The following RBM24 variants were observed in gnomAD, a reference collection of about 807,000 sequenced individuals.
The protein encoded by RBM24 is RNA binding motif protein 24, also known as RNA-binding protein 24.
RBM24 carries 5 observed loss-of-function variants against 23.6 expected under a neutral mutation model. That is an observed-to-expected ratio of 0.21 (90% CI 0.11 to 0.45). The LOEUF (loss-of-function observed/expected upper bound fraction) is 0.45, where lower values mean the gene tolerates loss of function less well. Among genes scored for constraint, RBM24 ranks in the 20% least tolerant of loss-of-function variants. RBM24 has a pLI of 0.99. For synonymous variants in RBM24, 151 were observed against 129.5 expected, an observed-to-expected ratio of 1.17 and a Z score of -1.13; for missense variants, 252 against 314.6, an observed-to-expected ratio of 0.80 and a Z score of 1.51.
Position 17,281,873 on chromosome 6 carries a change from C to G in RBM24, c.168+124C>G. The G allele has an allele frequency of 3.6e-6, 5 of 1,379,570 alleles. No individual in the cohort carries two copies. Among genetic ancestry groups the G allele is most frequent in the South Asian group, 2.6e-5 (2 of 76,700 alleles). 85.5% of individuals were successfully genotyped at this position (1,379,570 alleles called of 1,614,324 possible). On this transcript the variant is annotated intron_variant, in intron 1 of 3. Transcript: ENST00000379052. This position sits in a 1 kb window ranked among gnomAD's most constrained non-coding sequence, Gnocchi z 7.1. ...AGCCCCGCGGGTAGAGCGGCGCTGC[C>G]CCTTCGCTCCGGGGTGAACTGAAAC...
chr6:17,282,612 C>A, intron 1 of RBM24, 193 bp from the exon 2 acceptor site: 1 of 199,296 alleles, frequency 5.0e-6, no homozygotes, highest in South Asian at 3.5e-5. Flanking sequence ...CTACCCGCCC[C>A]CCCCCCCCAC....
chr6:17,281,722 G>A lies in RBM24; in HGVS notation c.141G>A (p.Gln47=). 2 of 1,551,794 alleles carry A rather than the reference G, an allele frequency of 1.3e-6. No individual in the cohort carries two copies. The highest frequency in any genetic ancestry group is 1.7e-6 in the Non-Finnish European group (2 of 1,147,280). Residue 47 remains glutamine (Q), a synonymous_variant, in exon 1 of 4, where the codon CAG becomes CAA. Transcript: ENST00000379052. The surrounding 1 kb of genome is among the most constrained non-coding windows in gnomAD (Gnocchi z 7.1). ...AGGCGGTGGTCATCACCGACCGGCA[G>A]ACGGGCAAGTCCCGGGGCTATGGAT... ...IEEAVVITDR[Q]TGKSRGYGFV...
intron 3 of RBM24, among the ~76,000 whole-genome samples, chr6:17,285,361 A>G (rs1316791625): frequency 6.6e-6 from 1 of 151,042 alleles, no homozygotes; most frequent in Non-Finnish European, 1.5e-5. Flanking sequence ...TTGCGTTTTG[A>G]TTTTGGTGGT....
Position 17,281,652 on chromosome 6 carries a change from A to T in RBM24, c.71A>T (p.Asp24Val). The T allele has an allele frequency of 6.5e-7, 1 of 1,549,822 alleles. No individual in the cohort carries two copies. Among genetic ancestry groups the T allele is most frequent in the Non-Finnish European group, 8.7e-7 (1 of 1,146,592 alleles). ...GGGGGGCTGCCCTACCACACCACCGACGCCAGCCTGCGCAAGTACTTCGAG... is the reference window on the plus strand; with the variant it reads ...GGGGGGCTGCCCTACCACACCACCGTCGCCAGCCTGCGCAAGTACTTCGAG... ...FVGGLPYHTT[D>V]ASLRKYFEVF... Residue 24 changes from aspartate to valine, a missense_variant, in exon 1 of 4, where the codon GAC becomes GTC. Coordinates refer to ENST00000379052, the MANE Select transcript of RBM24 (RefSeq NM_001143942.2). The surrounding 1 kb of genome is among the most constrained non-coding windows in gnomAD (Gnocchi z 7.1).
Position 17,281,885 on chromosome 6 carries a change from G to C in RBM24, c.168+136G>C. On this transcript the variant is annotated intron_variant, in intron 1 of 3. Coordinates refer to ENST00000379052, the MANE Select transcript of RBM24 (RefSeq NM_001143942.2). The surrounding 1 kb of genome is among the most constrained non-coding windows in gnomAD (Gnocchi z 7.1). ...AGAGCGGCGCTGCCCCTTCGCTCCG[G>C]GGTGAACTGAAACTTTGCTAGGGGA... 1 of 1,365,290 alleles carries C rather than the reference G, an allele frequency of 7.3e-7. No individual in the cohort carries two copies. Among genetic ancestry groups the C allele is most frequent in the Non-Finnish European group, 1.0e-6 (1 of 1,004,004 alleles). 84.6% of individuals were successfully genotyped at this position (1,365,290 alleles called of 1,614,324 possible). A position where few individuals can be genotyped will look rare whatever the true frequency, so the allele number is the denominator to read the frequency against.
chr6:17,288,383 A>G (rs1222413102), intron 3 of RBM24: 6 of 985,414 alleles, frequency 6.1e-6, no homozygotes, highest in Non-Finnish European at 6.0e-6. Flanking sequence ...CCTAGGTTTT[A>G]AAGAATGGTG....
At chr6:17,289,711 G>C (rs984528431) in intron 3 of RBM24, 2 of 1,037,260 alleles carry the variant, frequency 1.9e-6, no homozygotes, top group African/African-American at 3.4e-5. Flanking sequence ...GCAGCTGATA[G>C]ATGTTTTACT....
chr6:17,282,077 CGGG>C, intron 1 of RBM24: 1 of 1,243,132 alleles, frequency 8.0e-7, no homozygotes, highest in Non-Finnish European at 1.0e-6. Context: ...ATTGCATTCC[CGGG>C]CTGGATGCCG....
At chr6:17,283,199 C>G (rs1186016363) in intron 2 of RBM24, 1 of 385,232 alleles carries the variant, frequency 2.6e-6, no homozygotes, top group African/African-American at 2.0e-5. Context: ...ATATGGCATA[C>G]ATTTGTAGTC....
chr6:17,289,319 C>T (rs1760286055), intron 3 of RBM24: 2 of 985,296 alleles, frequency 2.0e-6, no homozygotes, highest in Admixed American at 1.2e-4. Context: ...TCTCCAAGGT[C>T]TTTCGGGTTC....
chr6:17,290,030 C>T (rs868232470), intron 3 of RBM24: 4 of 1,289,362 alleles, frequency 3.1e-6, no homozygotes, highest in Admixed American at 2.3e-5. Flanking sequence ...CACTTGATGA[C>T]GTCGTTTCTC....
At chr6:17,286,172 T>C (rs1326381527) in intron 3 of RBM24, among the ~76,000 whole-genome samples, 3 of 149,938 alleles carry the variant, frequency 2.0e-5, no homozygotes, top group Non-Finnish European at 4.4e-5. Context: ...CTCACTGTTA[T>C]TGCCAACTAC....
At chr6:17,282,410 C>T in intron 1 of RBM24, 1 of 557,556 alleles carries the variant, frequency 1.8e-6, no homozygotes, top group Non-Finnish European at 3.1e-6. Context: ...TAAGGCTGGA[C>T]TTTCTTTAAA....
rs1760016812 is a variant in RBM24, at chr6:17,281,653, C to T, written c.72C>T (p.Asp24=). Residue 24 remains aspartate, a synonymous_variant, in exon 1 of 4, where the codon GAC becomes GAT. Coordinates refer to ENST00000379052, the MANE Select transcript of RBM24 (RefSeq NM_001143942.2). The surrounding 1 kb of genome is among the most constrained non-coding windows in gnomAD (Gnocchi z 7.1). The part of the protein sequence containing the change: ...FVGGLPYHTT[D]ASLRKYFEVF... ...GGGGGCTGCCCTACCACACCACCGA[C>T]GCCAGCCTGCGCAAGTACTTCGAGG... The T allele has an allele frequency of 6.5e-7, 1 of 1,550,240 alleles. No individual in the cohort carries two copies. The highest frequency in any genetic ancestry group is 8.7e-7 in the Non-Finnish European group (1 of 1,146,636).
chr6:17,292,283 T>C lies in RBM24; in HGVS notation c.*164T>C. Reference sequence around the variant, plus strand: ...ATTTTTTTTATACTCCAGGTAGTGTTCTAGATGAGAAAGAGGTAAGAATGA... The same window carrying C: ...ATTTTTTTTATACTCCAGGTAGTGTCCTAGATGAGAAAGAGGTAAGAATGA... On this transcript the variant is annotated 3_prime_UTR_variant, in exon 4 of 4. Coordinates refer to ENST00000379052, the MANE Select transcript of RBM24 (RefSeq NM_001143942.2). The C allele has an allele frequency of 1.7e-6, 1 of 586,164 alleles. No homozygotes were observed. The highest frequency in any genetic ancestry group is 2.6e-6 in the Non-Finnish European group (1 of 382,340). The allele number at this position is 586,164 out of a possible 1,614,324, so 36.3% of individuals were successfully genotyped here.
At chr6:17,291,705 C>A in intron 3 of RBM24, 51 bp from the exon 4 acceptor site, 2 of 1,543,586 alleles carry the variant, frequency 1.3e-6, no homozygotes, top group Non-Finnish European at 1.8e-6. Context: ...GAACAACATG[C>A]TACAGTTAGG....
chr6:17,288,171 C>T (rs1037938082), intron 3 of RBM24: 10 of 854,550 alleles, frequency 1.2e-5, no homozygotes, highest in African/African-American at 1.8e-5. Flanking sequence ...GATTCAGAAT[C>T]ATGGTCTGCC....
In RBM24 at chr6:17,281,959, C is replaced by T; in HGVS notation, c.168+210C>T. Reference sequence around the variant, plus strand: ...GGTTCGGAGAAGACCCAGCGCTGTGCGAGGTCGGGGGCCGGGCAGGGCAGA... The same window carrying T: ...GGTTCGGAGAAGACCCAGCGCTGTGTGAGGTCGGGGGCCGGGCAGGGCAGA... On this transcript the variant is annotated intron_variant, in intron 1 of 3. Transcript: ENST00000379052. This position sits in a 1 kb window ranked among gnomAD's most constrained non-coding sequence, Gnocchi z 7.1. The T allele has an allele frequency of 7.4e-7, 1 of 1,359,392 alleles. No individual in the cohort carries two copies. Among genetic ancestry groups the T allele is most frequent in the Non-Finnish European group, 9.6e-7 (1 of 1,036,432 alleles). 84.2% of individuals were successfully genotyped at this position (1,359,392 alleles called of 1,614,324 possible). A position where few individuals can be genotyped will look rare whatever the true frequency, so the allele number is the denominator to read the frequency against.
At position 17,291,833 on chromosome 6, in the gene RBM24, C is replaced by T; in HGVS notation, c.425C>T (p.Ala142Val). 6.2e-7 allele frequency: 1 copy of T among 1,614,172 alleles called. No individual in the cohort carries two copies. Among genetic ancestry groups the T allele is most frequent in the South Asian group, 1.1e-5 (1 of 91,086 alleles). Residue 142 changes from alanine to valine, a missense_variant, in exon 4 of 4, where the codon GCT becomes GTT. Physicochemically the swap from Ala to Val is moderately conservative, Grantham distance 64. Coordinates refer to ENST00000379052, the MANE Select transcript of RBM24 (RefSeq NM_001143942.2). ...VVIPHVQPTA[A>V]AASTTPYIDY... ...ATTCCACACGTCCAGCCGACAGCAG[C>T]TGCCGCCTCCACCACCCCTTACATT...
Sources: allele counts gnomAD v4.1 joint callset (sites outside exome capture counted in the v4.1 genomes callset), GRCh38; gene constraint gnomAD v4.1.1; non-coding constraint Gnocchi (gnomAD v3.1); transcripts MANE v1.5; gene names NCBI Gene and HGNC (gene_info 2026-07-23, HGNC 2026-07-21).